The following NDE1 variants were observed in gnomAD, a reference collection of about 807,000 sequenced individuals.
NDE1 encodes nudE neurodevelopment protein 1.
NDE1 carries 28 observed loss-of-function variants against 43.4 expected under a neutral mutation model. The ratio of observed to expected loss-of-function variants is 0.65; its 90% CI spans 0.48 to 0.89. The LOEUF (loss-of-function observed/expected upper bound fraction) is 0.89. Among genes scored for constraint, NDE1 ranks in the 40% least tolerant of loss-of-function variants. The pLI is 0.00. For synonymous variants in NDE1, 184 were observed against 172.0 expected (o/e 1.07, Z -0.55); for missense variants, 441 against 434.1 (o/e 1.02, Z -0.14).
chr16:15,655,152 G>A (rs1314578715), intron 1 of NDE1, among the ~76,000 whole-genome samples: 3 of 152,036 alleles, frequency 2.0e-5, no homozygotes, highest in Admixed American at 1.3e-4. Flanking sequence ...CAAGTAGCTG[G>A]AATTATAGGT....
chr16:15,697,891 C>G (rs1320788093), intron 8 of NDE1, among the ~76,000 whole-genome samples: 1 of 151,330 alleles, frequency 6.6e-6, no homozygotes, highest in East Asian at 2.0e-4. Context: ...ACTGCAACCT[C>G]TGCCTCCCAA....
chr16:15,687,438 C>T lies in NDE1; in HGVS notation c.450C>T (p.Ala150=), dbSNP rs2038497062. 2 of 1,614,194 alleles carry T rather than the reference C, an allele frequency of 1.2e-6. No homozygotes were observed. Among genetic ancestry groups the T allele is most frequent in the Non-Finnish European group, 1.7e-6 (2 of 1,180,040 alleles). ...TGAATCAGGCCATCGAAAGAAATGC[C>T]TTCCTGGAAAGTGAACTTGATGAAA... ...QRLNQAIERN[A]FLESELDEKE... is the part of the protein sequence containing the mutation. The change falls in exon 5 of 9, where the codon GCC becomes GCT. Residue 150 remains alanine, a synonymous_variant. Coordinates refer to ENST00000396354, the MANE Select transcript of NDE1 (RefSeq NM_017668.3).
intron 1 of NDE1, among the ~76,000 whole-genome samples, chr16:15,653,373 T>A (rs183325775): frequency 2.0e-5 from 3 of 152,342 alleles, no homozygotes; most frequent in African/African-American, 7.2e-5. Context: ...GACTCTTGAC[T>A]GATGTTGCCC....
intron 8 of NDE1, chr16:15,721,321 G>T (rs2040467759): frequency 2.3e-6 from 3 of 1,331,804 alleles, no homozygotes; most frequent in South Asian, 1.2e-5. Context: ...ATGATAGTTC[G>T]CTATGAAAAA....
In NDE1 at chr16:15,724,485, G is replaced by T. The variant is rs906619524; in HGVS notation, c.*234G>T. ...CTGTCCCTGGCCCCACAGACTCTGA[G>T]AAGCGAAGACCATGTCTCCTCGTTG... On this transcript the variant is annotated 3_prime_UTR_variant, in exon 9 of 9. Transcript: ENST00000396354. 17 of 1,609,236 alleles carry T rather than the reference G, an allele frequency of 1.1e-5. No individual in the cohort carries two copies. In the Admixed American group the frequency reaches 2.0e-4, roughly 19 times the overall value.
At chr16:15,686,025 C>T (rs1282332365) in intron 4 of NDE1, among the ~76,000 whole-genome samples, 2 of 150,832 alleles carry the variant, frequency 1.3e-5, no homozygotes, top group Admixed American at 1.3e-4. Flanking sequence ...GATCTTGGCT[C>T]ACTGCAACAT....
At chr16:15,714,650 C>T in intron 8 of NDE1, 1 of 583,790 alleles carries the variant, frequency 1.7e-6, no homozygotes. Flanking sequence ...TCCTCCTCCT[C>T]AGCCGGAGGA....
chr16:15,704,023 C>G, intron 8 of NDE1: 1 of 1,614,044 alleles, frequency 6.2e-7, no homozygotes, highest in Admixed American at 1.7e-5. Flanking sequence ...TTGAAGTCTG[C>G]GTCTCGAGTG....
chr16:15,696,044 AAG>A (rs2038992899), intron 7 of NDE1: 1 of 114,824 alleles, frequency 8.7e-6, no homozygotes, highest in Admixed American at 9.5e-5. Flanking sequence ...GTAATTAAAA[AAG>A]AATTTTTTTT....
At chr16:15,681,346 G>A (rs1001076164) in intron 4 of NDE1, among the ~76,000 whole-genome samples, 2 of 128,620 alleles carry the variant, frequency 1.6e-5, no homozygotes, top group Non-Finnish European at 3.1e-5. Context: ...GCTCACTGGA[G>A]CCTTGACCTC....
chr16:15,720,433 A>C, intron 8 of NDE1: 90 of 1,333,828 alleles, frequency 6.7e-5, no homozygotes, highest in Non-Finnish European at 8.6e-5. Context: ...TGGGCATCTC[A>C]TCCCCAGTTG....
intron 7 of NDE1, chr16:15,694,536 G>C (rs1479215838): frequency 2.5e-6 from 2 of 800,962 alleles, no homozygotes; most frequent in East Asian, 1.3e-4. Flanking sequence ...TTGTAGTAAT[G>C]TGGGTATCGC....
At chr16:15,672,197 G>A (rs2037631445) in intron 3 of NDE1, among the ~76,000 whole-genome samples, 1 of 152,078 alleles carries the variant, frequency 6.6e-6, no homozygotes, top group Non-Finnish European at 1.5e-5. Flanking sequence ...CACTTTGGGA[G>A]ACCGAGGCGG....
At position 15,725,669 on chromosome 16, in the gene NDE1, A is replaced by G; in HGVS notation, c.*1418A>G. 2.5e-6 allele frequency: 1 copy of G among 399,024 alleles called. No individual in the cohort carries two copies. Among genetic ancestry groups the G allele is most frequent in the Non-Finnish European group, 4.4e-6 (1 of 226,390 alleles). 24.7% of individuals were successfully genotyped at this position (399,024 alleles called of 1,614,324 possible). A position where few individuals can be genotyped will look rare whatever the true frequency, so the allele number is the denominator to read the frequency against. On this transcript the variant is annotated 3_prime_UTR_variant, in exon 9 of 9. Coordinates refer to ENST00000396354, the MANE Select transcript of NDE1 (RefSeq NM_017668.3). The stretch of plus-strand genomic sequence containing the variant: ...AAAGCCCTGCTCTCAACTGCATGTG[A>G]GAAAAAAACATCTCACTTAATTCTT...
chr16:15,654,905 G>A (rs1219964973), intron 1 of NDE1, among the ~76,000 whole-genome samples: 1 of 151,828 alleles, frequency 6.6e-6, no homozygotes, highest in Admixed American at 6.6e-5. Context: ...ACAGCAAACA[G>A]AAGGTCAAAT....
At chr16:15,702,579 A>C (rs1596657883) in intron 8 of NDE1, among the ~76,000 whole-genome samples, 2 of 83,948 alleles carry the variant, frequency 2.4e-5, no homozygotes, top group Admixed American at 1.2e-4. Context: ...ACAAAAAAAC[A>C]CCTTTTTTTT....
Position 15,724,629 on chromosome 16 carries a change from A to C in NDE1, c.*378A>C, listed in dbSNP as rs2040655901. 1 of 1,613,712 alleles carries C rather than the reference A, an allele frequency of 6.2e-7. No individual in the cohort carries two copies. The highest frequency in any genetic ancestry group is 1.3e-5 in the African/African-American group (1 of 75,050). ...GTTGAGAGGACCCATGAAGGAAGCAAGGACACGGGGCAGGCACCTGGATGT... is the reference window on the plus strand; with the variant it reads ...GTTGAGAGGACCCATGAAGGAAGCACGGACACGGGGCAGGCACCTGGATGT... On this transcript the variant is annotated 3_prime_UTR_variant, in exon 9 of 9. Coordinates refer to ENST00000396354, the MANE Select transcript of NDE1 (RefSeq NM_017668.3).
chr16:15,683,966 C>T (rs1420267244), intron 4 of NDE1, among the ~76,000 whole-genome samples: 2 of 151,938 alleles, frequency 1.3e-5, no homozygotes, highest in Non-Finnish European at 2.9e-5. Context: ...CGCATTGGCT[C>T]ACGCCTGTAA....
At position 15,708,838 on chromosome 16, in the gene NDE1, C is replaced by G. The variant is rs778350253; in HGVS notation, c.947+11978C>G. On this transcript the variant is annotated intron_variant, in intron 8 of 8. Transcript: ENST00000396354. ...ACTGCGAAGTTTCCTGTGGGGGGGG[C>G]CCTCTGAAACAGAGAGAGAATCCCC... 1.2e-5 allele frequency: 19 copies of G among 1,609,498 alleles called. No individual in the cohort carries two copies. Among genetic ancestry groups the G allele is most frequent in the Admixed American group, 5.1e-5 (3 of 59,258 alleles).
Sources: gnomAD v4.1 joint callset for allele counts (sites outside exome capture counted in the v4.1 genomes callset) on GRCh38, gnomAD v4.1.1 for gene constraint, MANE v1.5 for transcripts, NCBI Gene and HGNC (gene_info 2026-07-23, HGNC 2026-07-21) for gene names.